Variants in PCCB observed in about 807,000 individuals in gnomAD.
PCCB encodes the protein propionyl-CoA carboxylase subunit beta.
In PCCB, 43 loss-of-function variants were observed where a neutral mutation model predicts 60.7. The ratio of observed to expected loss-of-function variants is 0.71; its 90% CI spans 0.55 to 0.91. The LOEUF is 0.91. PCCB is among the 40% of genes least tolerant of loss of function. PCCB has a pLI of 0.00. For missense variants in PCCB, 766 were observed against 702.8 expected, an observed-to-expected ratio of 1.09 and a Z score of -1.02; for synonymous variants, 276 against 255.9, an observed-to-expected ratio of 1.08 and a Z score of -0.75.
At chr3:136,253,013 A>AG (rs962677506) in intron 1 of PCCB, among the ~76,000 whole-genome samples, 13 of 118,078 alleles carry the variant, frequency 1.1e-4, no homozygotes, top group African/African-American at 2.0e-4. Flanking sequence ...TTTTTCGGGG[A>AG]GGGGGGGATA....
At chr3:136,280,493 G>A (rs1942448201) in intron 5 of PCCB, among the ~76,000 whole-genome samples, 2 of 152,074 alleles carry the variant, frequency 1.3e-5, no homozygotes, top group African/African-American at 2.4e-5. Flanking sequence ...CCATAGGCAT[G>A]CACCACCATG....
At chr3:136,260,099 G>T in intron 3 of PCCB, 1 of 296,866 alleles carries the variant, frequency 3.4e-6, no homozygotes, top group Non-Finnish European at 6.4e-6. Flanking sequence ...TTTGAGACAG[G>T]GTCTTGCTCT....
At chr3:136,324,556 C>G (rs979272816) in intron 10 of PCCB, among the ~76,000 whole-genome samples, 5 of 152,158 alleles carry the variant, frequency 3.3e-5, no homozygotes, top group Non-Finnish European at 5.9e-5. Flanking sequence ...TCCCTATTCA[C>G]GGGTGCTTTT....
chr3:136,274,516 A>G (rs754562637), intron 5 of PCCB, among the ~76,000 whole-genome samples: 2 of 152,110 alleles, frequency 1.3e-5, no homozygotes, highest in Non-Finnish European at 2.9e-5. Context: ...GTTTTCCTTT[A>G]TAGGTTACCT....
intron 10 of PCCB, among the ~76,000 whole-genome samples, chr3:136,319,613 G>A (rs1434503573): frequency 2.0e-5 from 3 of 152,126 alleles, no homozygotes; most frequent in Admixed American, 6.5e-5. Flanking sequence ...GGCCAGGCTG[G>A]TCTCGAACTC....
intron 5 of PCCB, among the ~76,000 whole-genome samples, chr3:136,273,852 C>T (rs1455183918): frequency 3.9e-5 from 5 of 129,698 alleles, no homozygotes; most frequent in African/African-American, 1.5e-4. Context: ...GCGGAGTTTG[C>T]AGTGAGCCGA....
chr3:136,272,567 C>A (rs553366924), intron 5 of PCCB, among the ~76,000 whole-genome samples: 2 of 152,052 alleles, frequency 1.3e-5, no homozygotes, highest in Admixed American at 6.6e-5. Flanking sequence ...TCTGTTTCTT[C>A]CTGATTTAGA....
intron 5 of PCCB, among the ~76,000 whole-genome samples, chr3:136,274,889 T>C (rs1942300941): frequency 6.6e-6 from 1 of 151,954 alleles, no homozygotes; most frequent in African/African-American, 2.4e-5. Context: ...TACAGTGTTG[T>C]GACCTTTGTC....
rs1334349354 is a variant in PCCB, at chr3:136,305,882, G to A, written c.966+4771G>A. The stretch of plus-strand genomic sequence containing the variant: ...AAGGCATTACTTCTGGGGAAGAAGA[G>A]TACAAAGGAAAGAGAGAGGTACCTT... On this transcript the variant is annotated intron_variant, in intron 9 of 14. Transcript: ENST00000251654. Among the ~76,000 whole-genome samples the A allele has an allele frequency of 4.1e-5, 5 of 121,800 alleles. 1 individual carries two copies. The highest frequency in any genetic ancestry group is 5.5e-5 in the Non-Finnish European group (3 of 54,622). The allele number at this position is 121,800 out of a possible 152,430, so 79.9% of individuals were successfully genotyped here. A position where few individuals can be genotyped will look rare whatever the true frequency, so the allele number is the denominator to read the frequency against.
At chr3:136,283,350 G>T (rs989190204) in intron 5 of PCCB, among the ~76,000 whole-genome samples, 3 of 152,040 alleles carry the variant, frequency 2.0e-5, no homozygotes, top group Non-Finnish European at 4.4e-5. Flanking sequence ...GTAGACACTG[G>T]GTACTCAGTG....
Position 136,293,866 on chromosome 3 carries a change from T to A in PCCB, c.763+2T>A, listed in dbSNP as rs1553778914. On this transcript the variant is annotated splice_donor_variant, in intron 7 of 14. Coordinates refer to ENST00000251654, the MANE Select transcript of PCCB (RefSeq NM_000532.5). LOFTEE classifies it high-confidence loss of function. Reference sequence around the variant, plus strand: ...CCAAGACCCACACCACCATGTCAGGTGAGAGGCCTTGAAGATGACCTTGTT... The same window carrying A: ...CCAAGACCCACACCACCATGTCAGGAGAGAGGCCTTGAAGATGACCTTGTT... 6.6e-7 allele frequency: 1 copy of A among 1,513,450 alleles called. No homozygotes were observed. The highest frequency in any genetic ancestry group is 9.2e-7 in the Non-Finnish European group (1 of 1,088,254). 93.8% of individuals were successfully genotyped at this position (1,513,450 alleles called of 1,614,324 possible). A position where few individuals can be genotyped will look rare whatever the true frequency, so the allele number is the denominator to read the frequency against.
At chr3:136,314,774 C>G (rs1576351127) in intron 9 of PCCB, among the ~76,000 whole-genome samples, 1 of 152,236 alleles carries the variant, frequency 6.6e-6, no homozygotes, top group East Asian at 1.9e-4. Flanking sequence ...GGATGCTAAA[C>G]CTAGTGGATG....
Position 136,257,660 on chromosome 3 carries a change from G to A in PCCB, c.372+1037G>A, listed in dbSNP as rs111626003. On this transcript the variant is annotated intron_variant, in intron 3 of 14. Transcript: ENST00000251654. The stretch of plus-strand genomic sequence containing the variant: ...TAAAGTTTGATATTAAAATTGGCTA[G>A]GCGTGGTGGCTCATGCCTGTAGTCC... 8.6e-3 allele frequency among the ~76,000 whole-genome samples: 1,310 copies of A among 152,284 alleles called. 11 individuals carry two copies. The highest frequency in any genetic ancestry group is 0.014 in the Non-Finnish European group (922 of 68,026).
chr3:136,299,194 A>G (rs1029194396), intron 8 of PCCB, among the ~76,000 whole-genome samples: 29 of 150,788 alleles, frequency 1.9e-4, no homozygotes, highest in Admixed American at 1.3e-4. Context: ...GGAGATATAT[A>G]TCCATATATA....
At chr3:136,317,478 C>T (rs1934950186) in intron 10 of PCCB, among the ~76,000 whole-genome samples, 1 of 151,976 alleles carries the variant, frequency 6.6e-6, no homozygotes, top group Non-Finnish European at 1.5e-5. Context: ...ATCCGCCCAC[C>T]TCAGCCTCCG....
intron 9 of PCCB, among the ~76,000 whole-genome samples, chr3:136,316,330 T>G (rs549245683): frequency 4.6e-5 from 7 of 152,186 alleles, no homozygotes; most frequent in Non-Finnish European, 7.3e-5. Context: ...TTTATTTATT[T>G]TTTGAGATAG....
chr3:136,305,873 G>T lies in PCCB; in HGVS notation c.966+4762G>T, dbSNP rs1035654932. Among the ~76,000 whole-genome samples the T allele has an allele frequency of 6.6e-5, 8 of 121,962 alleles. 2 individuals are homozygous for T. The South Asian group carries it at 1.3e-3, about 20-fold the overall frequency. The allele number at this position is 121,962 out of a possible 152,430, so 80.0% of individuals were successfully genotyped here. ...AGTCAGGGGAAGGCATTACTTCTGG[G>T]GAAGAAGAGTACAAAGGAAAGAGAG... is the stretch of plus-strand genomic sequence containing the variant. On this transcript the variant is annotated intron_variant, in intron 9 of 14. Transcript: ENST00000251654.
At chr3:136,284,008 T>G in intron 6 of PCCB, 61 bp downstream of exon 6, 2 of 1,014,766 alleles carry the variant, frequency 2.0e-6, no homozygotes, top group Non-Finnish European at 3.1e-6. Context: ...TTACCTGCAA[T>G]AAAAATAATT....
intron 5 of PCCB, among the ~76,000 whole-genome samples, chr3:136,266,566 C>T (rs561308747): frequency 1.3e-5 from 2 of 152,282 alleles, no homozygotes; most frequent in East Asian, 1.9e-4. Context: ...GAATTACAGG[C>T]GTGAGCCACT....
Sources: allele counts gnomAD v4.1 joint callset (sites outside exome capture counted in the v4.1 genomes callset), GRCh38; gene constraint gnomAD v4.1.1; transcripts MANE v1.5; gene names NCBI Gene and HGNC (gene_info 2026-07-23, HGNC 2026-07-21).